Variants in SLC16A12 observed in about 807,000 individuals in gnomAD.
The protein encoded by SLC16A12 is monocarboxylate transporter 12.
SLC16A12 carries 17 observed loss-of-function variants against 42.4 expected under a neutral mutation model. That is an observed-to-expected ratio of 0.40 (90% CI 0.27 to 0.60). The LOEUF is 0.60. Ranked by LOEUF, SLC16A12 falls within the 20% of genes least tolerant of loss-of-function variation. The pLI, the probability that SLC16A12 is intolerant of heterozygous loss-of-function variation, is 0.42. For missense variants in SLC16A12, 544 were observed against 623.0 expected, an observed-to-expected ratio of 0.87 and a Z score of 1.35; for synonymous variants, 224 against 229.4, an observed-to-expected ratio of 0.98 and a Z score of 0.21.
At chr10:89,502,327 A>G (rs1157820534) in intron 2 of SLC16A12, among the ~76,000 whole-genome samples, 3 of 152,020 alleles carry the variant, frequency 2.0e-5, no homozygotes, top group Non-Finnish European at 4.4e-5. Flanking sequence ...GTGGAAGCCT[A>G]TAATCCCAGC....
chr10:89,539,869 C>CTTTCTTTCTTTCTT (rs1309014865), upstream of SLC16A12, among the ~76,000 whole-genome samples: 6 of 140,892 alleles, frequency 4.3e-5, no homozygotes, highest in African/African-American at 1.7e-4. Flanking sequence ...TTCTTTCTTT[C>CTTTCTTTCTTTCTT]TTTCTTTCTT....
At chr10:89,544,886 G>A (rs1306867608) in intron 2 of SLC16A12, among the ~76,000 whole-genome samples, 2 of 152,150 alleles carry the variant, frequency 1.3e-5, no homozygotes, top group Non-Finnish European at 2.9e-5. Context: ...TTTGCAATAT[G>A]ACTTTGTAGC....
In SLC16A12 at chr10:89,546,625, C is replaced by T. The variant is rs754214737; in HGVS notation, c.-47+9257G>A. Reference sequence around the variant, plus strand: ...TCAACCACTGTGGAAGATAGTATCGCGATTCCTCAAGGATCTAGAACCAGA... The same window carrying T: ...TCAACCACTGTGGAAGATAGTATCGTGATTCCTCAAGGATCTAGAACCAGA... On this transcript the variant is annotated intron_variant, in intron 2 of 2. Transcript: ENST00000475682. 4.6e-5 allele frequency among the ~76,000 whole-genome samples: 7 copies of T among 152,262 alleles called. No individual in the cohort carries two copies. The South Asian group carries it at 6.2e-4, about 14-fold the overall frequency.
At position 89,430,480 on chromosome 10, in the gene SLC16A12, GAAAGAAAT is replaced by G. The variant is rs1841678361; in HGVS notation, c.*2576_*2583del. On this transcript the variant is annotated 3_prime_UTR_variant, in exon 8 of 8. Coordinates refer to ENST00000371790, the MANE Select transcript of SLC16A12 (RefSeq NM_213606.4). Reference sequence around the variant, plus strand: ...TTCCAAAGTAGAGCTTACAGTAGTAGAAAGAAATATTTAAGATGTAAAATTATCCCACT... The same window carrying G: ...TTCCAAAGTAGAGCTTACAGTAGTAGATTTAAGATGTAAAATTATCCCACT... 1 of 392,994 alleles carries G rather than the reference GAAAGAAAT, an allele frequency of 2.5e-6. No individual in the cohort carries two copies. Among genetic ancestry groups the G allele is most frequent in the Admixed American group, 4.5e-5 (1 of 22,406 alleles). The allele number at this position is 392,994 out of a possible 1,614,324, so 24.3% of individuals were successfully genotyped here.
chr10:89,544,271 G>C (rs1843731338), intron 2 of SLC16A12, among the ~76,000 whole-genome samples: 1 of 152,198 alleles, frequency 6.6e-6, no homozygotes, highest in South Asian at 2.1e-4. Context: ...TATATTTGGA[G>C]TAGAAGTATA....
At chr10:89,435,855 A>T (rs913369400) in intron 7 of SLC16A12, among the ~76,000 whole-genome samples, 4 of 152,148 alleles carry the variant, frequency 2.6e-5, no homozygotes, top group African/African-American at 9.7e-5. Context: ...CAGGTAGGCT[A>T]AGGTTCTTAC....
intron 2 of SLC16A12, among the ~76,000 whole-genome samples, chr10:89,519,978 TGGTG>T (rs1159555864): frequency 1.4e-4 from 21 of 151,610 alleles, no homozygotes; most frequent in African/African-American, 4.9e-4. Context: ...TTGGATGTGG[TGGTG>T]GGCGCCTGTA....
chr10:89,531,274 C>T (rs1843549202), intron 2 of SLC16A12, among the ~76,000 whole-genome samples: 1 of 151,938 alleles, frequency 6.6e-6, no homozygotes, highest in Non-Finnish European at 1.5e-5. Flanking sequence ...TGGTGGATGC[C>T]TGTAATCCCA....
At chr10:89,547,622 G>A (rs1396462100) in intron 2 of SLC16A12, among the ~76,000 whole-genome samples, 3 of 152,102 alleles carry the variant, frequency 2.0e-5, no homozygotes, top group Non-Finnish European at 2.9e-5. Flanking sequence ...ATAAGAAAAG[G>A]TATGTGATCA....
Position 89,551,591 on chromosome 10 carries a change from A to T in SLC16A12, c.-47+4291T>A, listed in dbSNP as rs148916621. Among the ~76,000 whole-genome samples, 427 of 152,310 alleles carry T rather than the reference A, an allele frequency of 2.8e-3. 2 individuals are homozygous for T. Among genetic ancestry groups the T allele is most frequent in the South Asian group, 0.011 (54 of 4,820 alleles). On this transcript the variant is annotated intron_variant, in intron 2 of 2. Transcript: ENST00000475682. ...ATCTCATCTTGAATTGTACTCCCATAATTCCCATGTGTTGTGGGAGGACCC... is the reference window on the plus strand; with the variant it reads ...ATCTCATCTTGAATTGTACTCCCATTATTCCCATGTGTTGTGGGAGGACCC...
At chr10:89,502,117 G>A (rs1842998480) in intron 2 of SLC16A12, among the ~76,000 whole-genome samples, 1 of 152,092 alleles carries the variant, frequency 6.6e-6, no homozygotes, top group Non-Finnish European at 1.5e-5. Context: ...ATGTAGGGTA[G>A]TATACAGCAC....
chr10:89,438,496 T>C (rs530890361), intron 6 of SLC16A12, 108 bp downstream of exon 6: 193 of 1,033,402 alleles, frequency 1.9e-4, no homozygotes, highest in Non-Finnish European at 2.3e-4. Context: ...TACTGCAGAC[T>C]TGTTAACATT....
chr10:89,458,128 T>C (rs1299199680), intron 3 of SLC16A12, among the ~76,000 whole-genome samples: 3 of 152,220 alleles, frequency 2.0e-5, no homozygotes, highest in African/African-American at 7.2e-5. Flanking sequence ...CCAGCATCCA[T>C]TTACTGTTGA....
chr10:89,517,057 C>A (rs1175844703), intron 2 of SLC16A12, among the ~76,000 whole-genome samples: 1 of 152,010 alleles, frequency 6.6e-6, no homozygotes. Context: ...ACTCCCATCT[C>A]TACAAAAAAT....
At chr10:89,486,249 G>A (rs1212755189) in intron 2 of SLC16A12, among the ~76,000 whole-genome samples, 1 of 151,848 alleles carries the variant, frequency 6.6e-6, no homozygotes, top group Non-Finnish European at 1.5e-5. Flanking sequence ...AGCCCCATAT[G>A]GCTCCCTTAT....
chr10:89,444,120 C>G (rs1455225994), intron 3 of SLC16A12, among the ~76,000 whole-genome samples: 2 of 152,144 alleles, frequency 1.3e-5, no homozygotes, highest in African/African-American at 2.4e-5. Flanking sequence ...GAAACAAAAG[C>G]AGGTCAGGAA....
chr10:89,498,901 C>T (rs1462171877), intron 2 of SLC16A12, among the ~76,000 whole-genome samples: 1 of 152,172 alleles, frequency 6.6e-6, no homozygotes, highest in Admixed American at 6.5e-5. Context: ...CAGCTTGGCT[C>T]TCAGGAAGCC....
In SLC16A12 at chr10:89,441,255, C is replaced by G. The variant is rs1005728845; in HGVS notation, c.305-4G>C. 1 of 1,613,972 alleles carries G rather than the reference C, an allele frequency of 6.2e-7. No individual in the cohort carries two copies. The highest frequency in any genetic ancestry group is 1.1e-5 in the South Asian group (1 of 91,074). On this transcript the variant is annotated splice_region_variant and splice_polypyrimidine_tract_variant and intron_variant, in intron 4 of 7. Coordinates refer to ENST00000371790, the MANE Select transcript of SLC16A12 (RefSeq NM_213606.4). ...CTGACAACACTCCCAAGTGGAGCTT[C>G]AAAAACAATAAGAAATAGGTTCAAC...
chr10:89,474,676 G>A (rs528892042), intron 2 of SLC16A12, among the ~76,000 whole-genome samples: 2 of 152,262 alleles, frequency 1.3e-5, no homozygotes, highest in Admixed American at 1.3e-4. Context: ...AGCACTCAGA[G>A]CTCAAGTGTC....
Sources: allele counts gnomAD v4.1 joint callset (sites outside exome capture counted in the v4.1 genomes callset), GRCh38; gene constraint gnomAD v4.1.1; transcripts MANE v1.5; gene names NCBI Gene and HGNC (gene_info 2026-07-23, HGNC 2026-07-21).